PLXDC2: variants seen among roughly 807,000 people sequenced by gnomAD.
PLXDC2 encodes plexin domain-containing protein 2.
Under a neutral mutation model 68.9 loss-of-function variants are expected in PLXDC2, and 40 were observed. The ratio of observed to expected loss-of-function variants is 0.58; its 90% CI spans 0.45 to 0.76. The LOEUF is 0.76. Ranked by LOEUF, PLXDC2 falls within the 30% of genes least tolerant of loss-of-function variation. The pLI is 0.00. For synonymous variants in PLXDC2, 243 were observed against 234.2 expected (o/e 1.04, Z -0.34); for missense variants, 644 against 661.9 (o/e 0.97, Z 0.30).
rs968731400 is a variant in PLXDC2, at chr10:20,279,802, G to T, written c.1573G>T (p.Val525Leu). 2 of 1,613,722 alleles carry T rather than the reference G, an allele frequency of 1.2e-6. No homozygotes were observed. Among genetic ancestry groups the T allele is most frequent in the African/African-American group, 2.7e-5 (2 of 74,866 alleles). The change falls in exon 14 of 14, where the codon GTA becomes TTA. Residue 525 changes from valine to leucine, a missense_variant. Val to Leu is a conservative substitution (Grantham distance 32, BLOSUM62 1). Coordinates refer to ENST00000377252, the MANE Select transcript of PLXDC2 (RefSeq NM_032812.9). ...EPVGEKEGFI[V>L]SEQC is the part of the protein sequence containing the mutation. ...AGTTGGAGAGAAAGAAGGCTTTATTGTATCAGAGCAGTGCTAAAATTTCTA... is the reference window on the plus strand; with the variant it reads ...AGTTGGAGAGAAAGAAGGCTTTATTTTATCAGAGCAGTGCTAAAATTTCTA...
chr10:20,122,042 G>T (rs1027361417), intron 4 of PLXDC2, among the ~76,000 whole-genome samples: 4 of 151,896 alleles, frequency 2.6e-5, no homozygotes, highest in Admixed American at 2.6e-4. Flanking sequence ...GGACGCAAAG[G>T]AGGCTTTGGA....
intron 2 of PLXDC2, among the ~76,000 whole-genome samples, chr10:20,044,589 C>T (rs1210329009): frequency 6.6e-6 from 1 of 152,030 alleles, no homozygotes; most frequent in Non-Finnish European, 1.5e-5. Context: ...TGATTACAGG[C>T]ATGAGCCACC....
Position 20,274,392 on chromosome 10 carries a change from A to T in PLXDC2, c.1474-5311A>T, listed in dbSNP as rs1294555013. Among the ~76,000 whole-genome samples the T allele has an allele frequency of 3.3e-5, 5 of 152,174 alleles. No homozygotes were observed. The East Asian group carries it at 9.6e-4, about 29-fold the overall frequency. On this transcript the variant is annotated intron_variant, in intron 13 of 13. Coordinates refer to ENST00000377252, the MANE Select transcript of PLXDC2 (RefSeq NM_032812.9). ...TAACCCTAGAAGAGAGCTGATCTGT[A>T]TATGCTTGGGAACAGTTTTCATCTT...
intron 1 of PLXDC2, among the ~76,000 whole-genome samples, chr10:19,915,024 C>G (rs918183473): frequency 6.6e-6 from 1 of 152,070 alleles, no homozygotes; most frequent in South Asian, 2.1e-4. Context: ...AAGTTAGTTT[C>G]TCATAGACAC....
At chr10:19,849,799 G>T (rs934589818) in intron 1 of PLXDC2, among the ~76,000 whole-genome samples, 3 of 152,092 alleles carry the variant, frequency 2.0e-5, no homozygotes, top group Non-Finnish European at 4.4e-5. Flanking sequence ...CTATTTGAAT[G>T]GATGGGATGG....
chr10:20,111,360 T>C (rs1833557946), intron 4 of PLXDC2, among the ~76,000 whole-genome samples: 2 of 152,366 alleles, frequency 1.3e-5, no homozygotes, highest in South Asian at 4.1e-4. Flanking sequence ...GTATTTATTT[T>C]ACACACACCA....
intron 7 of PLXDC2, among the ~76,000 whole-genome samples, chr10:20,175,906 C>A (rs182143537): frequency 6.6e-6 from 1 of 152,130 alleles, no homozygotes; most frequent in Non-Finnish European, 1.5e-5. Context: ...CTTATCAGTA[C>A]AGGCATTTCA....
chr10:20,132,105 T>C (rs918750525), intron 4 of PLXDC2, among the ~76,000 whole-genome samples: 9 of 152,238 alleles, frequency 5.9e-5, no homozygotes, highest in African/African-American at 2.2e-4. Context: ...CTTTGACTCA[T>C]TGGTTGTTCA....
intron 1 of PLXDC2, among the ~76,000 whole-genome samples, chr10:19,962,833 A>G (rs536432936): frequency 6.5e-4 from 98 of 150,466 alleles, no homozygotes; most frequent in African/African-American, 2.2e-3. Context: ...AAAAATACAA[A>G]AACAAAATTA....
intron 1 of PLXDC2, among the ~76,000 whole-genome samples, chr10:19,982,111 C>T (rs74122129): frequency 0.049 from 7,410 of 152,266 alleles, 621 homozygotes; most frequent in African/African-American, 0.17. Context: ...CATTTTGGTA[C>T]AAATGACAAG....
chr10:20,045,006 G>A (rs1835772945), intron 2 of PLXDC2, among the ~76,000 whole-genome samples: 1 of 152,112 alleles, frequency 6.6e-6, no homozygotes. Flanking sequence ...TGAAACAGAG[G>A]GAGGGCTGGA....
chr10:19,893,135 GGGGGACGCCTAGGTGT>G (rs1296965612), intron 1 of PLXDC2, among the ~76,000 whole-genome samples: 1 of 152,078 alleles, frequency 6.6e-6, no homozygotes, highest in Non-Finnish European at 1.5e-5. Flanking sequence ...CGCTATGGTT[GGGGGACGCCTAGGTGT>G]GGGGATTGCT....
At chr10:20,163,138 T>C (rs1182190024) in intron 6 of PLXDC2, among the ~76,000 whole-genome samples, 1 of 152,114 alleles carries the variant, frequency 6.6e-6, no homozygotes, top group Non-Finnish European at 1.5e-5. Flanking sequence ...GTTTCTGTTA[T>C]CCAAATACCA....
intron 1 of PLXDC2, among the ~76,000 whole-genome samples, chr10:19,864,600 G>A (rs1298292703): frequency 6.6e-6 from 1 of 152,062 alleles, no homozygotes. Context: ...CTGATATTTG[G>A]CAAAATGGGA....
At chr10:19,864,893 C>G (rs959989224) in intron 1 of PLXDC2, among the ~76,000 whole-genome samples, 2 of 152,120 alleles carry the variant, frequency 1.3e-5, no homozygotes, top group African/African-American at 4.8e-5. Flanking sequence ...GGGGCTTCCT[C>G]CCCTGAGTTT....
At chr10:20,025,448 G>T (rs988128315) in intron 2 of PLXDC2, among the ~76,000 whole-genome samples, 3 of 151,900 alleles carry the variant, frequency 2.0e-5, no homozygotes, top group Non-Finnish European at 4.4e-5. Flanking sequence ...CTTTAGTAAA[G>T]ACAGGGTTTC....
intron 1 of PLXDC2, among the ~76,000 whole-genome samples, chr10:19,900,183 A>C (rs1256126424): frequency 1.3e-5 from 2 of 152,228 alleles, no homozygotes; most frequent in Non-Finnish European, 2.9e-5. Context: ...GATTTTGAAA[A>C]GCACACAATA....
chr10:20,059,946 T>C lies in PLXDC2; in HGVS notation c.472-8224T>C, dbSNP rs114623333. Among the ~76,000 whole-genome samples, 413 of 152,364 alleles carry C rather than the reference T, an allele frequency of 2.7e-3. 6 individuals are homozygous for C. The highest frequency in any genetic ancestry group is 9.0e-3 in the African/African-American group (375 of 41,594). On this transcript the variant is annotated intron_variant, in intron 3 of 13. Coordinates refer to ENST00000377252, the MANE Select transcript of PLXDC2 (RefSeq NM_032812.9). The stretch of plus-strand genomic sequence containing the variant: ...ATTCACATATATGCCTTTCCATATT[T>C]TATTTTCCATCTTTGATATTTGCTT...
chr10:20,111,410 G>A (rs1004880783), intron 4 of PLXDC2, among the ~76,000 whole-genome samples: 4 of 152,076 alleles, frequency 2.6e-5, no homozygotes, highest in Admixed American at 1.3e-4. Flanking sequence ...TACAGATAAG[G>A]ACACTTTTTA....
Sources: gnomAD v4.1 joint callset for allele counts (sites outside exome capture counted in the v4.1 genomes callset) on GRCh38, gnomAD v4.1.1 for gene constraint, MANE v1.5 for transcripts, NCBI Gene and HGNC (gene_info 2026-07-23, HGNC 2026-07-21) for gene names.